MYO16: variants seen among roughly 807,000 people sequenced by gnomAD.
The protein encoded by MYO16 is unconventional myosin-XVI.
MYO16 carries 94 observed loss-of-function variants against 205.3 expected under a neutral mutation model. The ratio of observed to expected loss-of-function variants is 0.46; its 90% CI spans 0.39 to 0.54. The LOEUF is 0.54. Ranked by LOEUF, MYO16 falls within the 20% of genes least tolerant of loss-of-function variation. The probability of loss-of-function intolerance (pLI) is 0.00; values close to 1 mark genes in which losing one functional copy is unlikely to be tolerated. For missense variants in MYO16, 2,315 were observed against 2,387.5 expected (o/e 0.97, Z 0.63); for synonymous variants, 988 against 954.0 (o/e 1.04, Z -0.66).
chr13:108,505,111 G>A, the MYO16 span, among the ~76,000 whole-genome samples: 1 of 152,132 alleles, frequency 6.6e-6, no homozygotes, highest in African/African-American at 2.4e-5. Flanking sequence ...ATCCTGTGAT[G>A]GACATGGGTG....
At chr13:108,883,000 T>G (rs1566388634) in intron 12 of MYO16, 59 bp from the exon 13 acceptor site, 1 of 1,592,452 alleles carries the variant, frequency 6.3e-7, no homozygotes, top group Non-Finnish European at 8.6e-7. Flanking sequence ...CATTATGGGA[T>G]GAGGAATACT....
intron 10 of MYO16, among the ~76,000 whole-genome samples, chr13:108,847,105 T>A (rs1877562761): frequency 6.6e-6 from 1 of 152,186 alleles, no homozygotes; most frequent in African/African-American, 2.4e-5. Context: ...ATTAGCAGAT[T>A]GATTGCTTTT....
At chr13:109,019,955 C>A in intron 23 of MYO16, 44 bp downstream of exon 23, 1 of 1,575,164 alleles carries the variant, frequency 6.3e-7, no homozygotes, top group South Asian at 1.1e-5. Context: ...CACTAATGAT[C>A]AAAGGTCCTT....
At position 108,629,642 on chromosome 13, in the gene MYO16, G is replaced by T; in HGVS notation, c.-203G>T. The T allele has an allele frequency of 1.9e-6, 1 of 529,224 alleles. No individual in the cohort carries two copies. 32.8% of individuals were successfully genotyped at this position (529,224 alleles called of 1,614,324 possible). A position where few individuals can be genotyped will look rare whatever the true frequency, so the allele number is the denominator to read the frequency against. ...GGTGCCTCAAGACCCACCGGGGAGAGGCTTATCTTAACTCCAGCTGCCGAA... is the reference window on the plus strand; with the variant it reads ...GGTGCCTCAAGACCCACCGGGGAGATGCTTATCTTAACTCCAGCTGCCGAA... On this transcript the variant is annotated 5_prime_UTR_variant, in exon 1 of 35. The change creates a new upstream start codon in the 5' untranslated region. Coordinates refer to ENST00000457511, the MANE Select transcript of MYO16 (RefSeq NM_001198950.3).
chr13:108,550,385 G>C, the MYO16 span, among the ~76,000 whole-genome samples: 12,551 of 152,258 alleles, frequency 0.082, 1,106 homozygotes, highest in African/African-American at 0.21. Context: ...GTCAGAAACT[G>C]AGCCTCCAAG....
chr13:108,866,432 A>G lies in MYO16; in HGVS notation c.1425+190A>G, dbSNP rs533927460. ...CTTGAAAATCGAAGTTATTTTATCA[A>G]AATGTTTCTTTGCACTTAAAATGTG... is the stretch of plus-strand genomic sequence containing the variant. On this transcript the variant is annotated intron_variant, in intron 12 of 34. Transcript: ENST00000457511. Among the ~76,000 whole-genome samples, 13 of 152,324 alleles carry G rather than the reference A, an allele frequency of 8.5e-5. No individual in the cohort carries two copies. The South Asian group carries it at 2.7e-3, about 32-fold the overall frequency.
intron 2 of MYO16, among the ~76,000 whole-genome samples, chr13:108,698,855 T>A (rs1883188479): frequency 6.6e-6 from 1 of 152,130 alleles, no homozygotes; most frequent in African/African-American, 2.4e-5. Context: ...TCCATAATAT[T>A]TATATGGTAC....
rs142332938 is a variant in MYO16, at chr13:109,192,039, C to T, written c.5415+12406C>T. 2.4e-3 allele frequency among the ~76,000 whole-genome samples: 370 copies of T among 152,252 alleles called. 2 individuals are homozygous for T. Among genetic ancestry groups the T allele is most frequent in the African/African-American group, 8.5e-3 (354 of 41,534 alleles). ...CAGGCTAAAATAATAGAAGGATTTC[C>T]ATTATGCTGAAATAGAGTCAGCTAA... On this transcript the variant is annotated intron_variant, in intron 34 of 34. Coordinates refer to ENST00000457511, the MANE Select transcript of MYO16 (RefSeq NM_001198950.3).
In MYO16 at chr13:109,164,967, C is replaced by A. The variant is rs1450684022; in HGVS notation, c.5231C>A (p.Thr1744Asn). ...DPSTSEITSE[T>N]QDRNANNHGI... ...AGTACGTCAGAAATTACTTCCGAGA[C>A]TCAAGACAGAAATGCAAATAACCAT... Residue 1744 changes from threonine (T) to asparagine (N), a missense_variant, in exon 33 of 35, where the codon ACT (threonine) becomes AAT (asparagine). By Grantham distance (65) the Thr-to-Asn change is moderately conservative (BLOSUM62 0). Around this residue, in one of 3 missense-constraint regions of MYO16, gnomAD observed 1,097 missense variants for 1,092.0 expected, o/e 1.00. Coordinates refer to ENST00000457511, the MANE Select transcript of MYO16 (RefSeq NM_001198950.3). 6.2e-7 allele frequency: 1 copy of A among 1,607,878 alleles called. No homozygotes were observed. Among genetic ancestry groups the A allele is most frequent in the African/African-American group, 1.3e-5 (1 of 74,656 alleles).
At chr13:108,755,039 ATG>A (rs1253485895) in intron 4 of MYO16, among the ~76,000 whole-genome samples, 4 of 152,178 alleles carry the variant, frequency 2.6e-5, no homozygotes, top group Non-Finnish European at 5.9e-5. Flanking sequence ...ATGACAATAA[ATG>A]TGAGACAGCA....
intron 3 of MYO16, among the ~76,000 whole-genome samples, chr13:108,723,905 A>C (rs1884250234): frequency 6.6e-6 from 1 of 152,150 alleles, no homozygotes; most frequent in Non-Finnish European, 1.5e-5. Flanking sequence ...CTACAGATCA[A>C]TTTGGGAAGG....
At chr13:108,967,567 C>T (rs1251950290) in intron 20 of MYO16, among the ~76,000 whole-genome samples, 4 of 152,120 alleles carry the variant, frequency 2.6e-5, no homozygotes, top group Non-Finnish European at 5.9e-5. Context: ...TTGGCCCGGA[C>T]CCTGCGGGCT....
the MYO16 span, among the ~76,000 whole-genome samples, chr13:108,524,408 T>G: frequency 6.6e-6 from 1 of 152,194 alleles, no homozygotes; most frequent in Non-Finnish European, 1.5e-5. Flanking sequence ...AATTACCTGC[T>G]TCCCCTTCAC....
At chr13:108,537,892 C>T in the MYO16 span, among the ~76,000 whole-genome samples, 1 of 151,704 alleles carries the variant, frequency 6.6e-6, no homozygotes, top group South Asian at 2.1e-4. Flanking sequence ...TGTTTAAATT[C>T]TTAGTAGACT....
chr13:109,123,053 T>G (rs552192189), intron 29 of MYO16, among the ~76,000 whole-genome samples: 2 of 152,232 alleles, frequency 1.3e-5, no homozygotes, highest in African/African-American at 2.4e-5. Flanking sequence ...GCTCATTTTA[T>G]CCTGGATGAA....
At chr13:108,692,998 A>G (rs1882958428) in intron 2 of MYO16, among the ~76,000 whole-genome samples, 1 of 152,186 alleles carries the variant, frequency 6.6e-6, no homozygotes, top group Admixed American at 6.5e-5. Flanking sequence ...AAAATTCCAG[A>G]TGAATATTAT....
intron 9 of MYO16, among the ~76,000 whole-genome samples, chr13:108,838,769 T>TAC (rs1877080619): frequency 4.8e-5 from 1 of 21,002 alleles, no homozygotes; most frequent in African/African-American, 1.4e-4. Context: ...CACACACAAA[T>TAC]GCACACACAC....
chr13:108,858,012 CT>C (rs1213483202), intron 11 of MYO16, among the ~76,000 whole-genome samples: 1 of 152,172 alleles, frequency 6.6e-6, no homozygotes, highest in African/African-American at 2.4e-5. Flanking sequence ...AATAGGAATG[CT>C]TTACATTATG....
intron 27 of MYO16, among the ~76,000 whole-genome samples, chr13:109,084,894 G>A (rs1380786490): frequency 2.0e-5 from 3 of 152,144 alleles, no homozygotes; most frequent in Non-Finnish European, 4.4e-5. Flanking sequence ...GAGTGATAAA[G>A]TAGAAGGAGC....
Sources: allele counts gnomAD v4.1 joint callset (sites outside exome capture counted in the v4.1 genomes callset), GRCh38; gene constraint gnomAD v4.1.1; regional missense constraint gnomAD v4.1.1; transcripts MANE v1.5; gene names NCBI Gene and HGNC (gene_info 2026-07-23, HGNC 2026-07-21).